The following PFKP variants were observed in gnomAD, a reference collection of about 807,000 sequenced individuals.
PFKP encodes ATP-dependent 6-phosphofructokinase, platelet type.
In PFKP, 101 loss-of-function variants were observed where a neutral mutation model predicts 94.3. The observed-to-expected ratio is 1.07, with a 90% CI of 0.91 to 1.26. The LOEUF (loss-of-function observed/expected upper bound fraction) is 1.26. Among genes scored for constraint, PFKP ranks in the 50% most tolerant of loss-of-function variants. The pLI, the probability that PFKP is intolerant of heterozygous loss-of-function variation, is 0.00. For synonymous variants in PFKP, 573 were observed against 432.6 expected, an observed-to-expected ratio of 1.32 and a Z score of -4.03; for missense variants, 1,145 against 1,103.3, an observed-to-expected ratio of 1.04 and a Z score of -0.53.
chr10:3,111,387 A>C (rs929028619), intron 10 of PFKP, among the ~76,000 whole-genome samples: 1 of 152,178 alleles, frequency 6.6e-6, no homozygotes, highest in African/African-American at 2.4e-5. Flanking sequence ...TGTGAGAGGC[A>C]GTAGGCTTAA....
chr10:3,070,821 C>T lies in PFKP; in HGVS notation c.112+3114C>T, dbSNP rs144975381. On this transcript the variant is annotated intron_variant, in intron 1 of 21. Transcript: ENST00000381125. ...CATCATAGCTCACTGCAGCCTCAAACTCCTGGGCTCAAGTGATCCTCCTGC... is the reference window on the plus strand; with the variant it reads ...CATCATAGCTCACTGCAGCCTCAAATTCCTGGGCTCAAGTGATCCTCCTGC... 4.5e-3 allele frequency among the ~76,000 whole-genome samples: 690 copies of T among 152,282 alleles called. 7 individuals are homozygous for T. Among genetic ancestry groups the T allele is most frequent in the African/African-American group, 0.016 (670 of 41,560 alleles).
At chr10:3,104,596 G>T (rs548356234) in intron 5 of PFKP, 3 of 208,040 alleles carry the variant, frequency 1.4e-5, no homozygotes, top group Non-Finnish European at 2.9e-5. Flanking sequence ...CAGTGCGTGG[G>T]CGTGAACCCC....
At chr10:3,106,998 C>T (rs1406171108) in intron 7 of PFKP, among the ~76,000 whole-genome samples, 1 of 95,474 alleles carries the variant, frequency 1.0e-5, no homozygotes, top group Non-Finnish European at 2.1e-5. Context: ...TCTCCTCGCC[C>T]CTGCCCCTCC....
chr10:3,067,553 C>G lies in PFKP; in HGVS notation c.-43C>G. On this transcript the variant is annotated 5_prime_UTR_variant, in exon 1 of 22. Transcript: ENST00000381125. ...CGCGCGCGGGCAGGGTCCCCATTGC[C>G]TGCTGCGCACCCGGACGTGCGGCTC... 1 of 1,114,662 alleles carries G rather than the reference C, an allele frequency of 9.0e-7. No individual in the cohort carries two copies. The highest frequency in any genetic ancestry group is 1.4e-5 in the South Asian group (1 of 72,466). 69.0% of individuals were successfully genotyped at this position (1,114,662 alleles called of 1,614,324 possible). A position where few individuals can be genotyped will look rare whatever the true frequency, so the allele number is the denominator to read the frequency against.
At chr10:3,125,158 C>T in intron 16 of PFKP, 1 of 1,350,612 alleles carries the variant, frequency 7.4e-7, no homozygotes, top group Non-Finnish European at 9.9e-7. Context: ...CTTTGCATCC[C>T]CCTGTGTGTG....
chr10:3,132,787 C>T (rs1838745060), intron 18 of PFKP, among the ~76,000 whole-genome samples: 1 of 152,108 alleles, frequency 6.6e-6, no homozygotes, highest in Non-Finnish European at 1.5e-5. Context: ...GGGGATAGTA[C>T]CCGCCCCCTG....
At chr10:3,105,355 C>A (rs373109237) in intron 6 of PFKP, 38 bp from the exon 7 acceptor site, 19 of 1,540,822 alleles carry the variant, frequency 1.2e-5, no homozygotes, top group Non-Finnish European at 1.7e-5. Flanking sequence ...TGGGAAGGAT[C>A]CTTCTGGGGT....
chr10:3,121,356 C>G (rs978131021), intron 16 of PFKP, among the ~76,000 whole-genome samples: 1 of 152,226 alleles, frequency 6.6e-6, no homozygotes, highest in South Asian at 2.1e-4. Flanking sequence ...GAGCCTCTTT[C>G]ACAGACTGGA....
chr10:3,104,177 G>A (rs1436023948), intron 5 of PFKP, among the ~76,000 whole-genome samples: 1 of 152,154 alleles, frequency 6.6e-6, no homozygotes, highest in East Asian at 1.9e-4. Flanking sequence ...TTAGAATTTG[G>A]AAGGAAGAAA....
In PFKP at chr10:3,108,584, C is replaced by T. The variant is rs951764988; in HGVS notation, c.871-117C>T. 2.7e-5 allele frequency: 19 copies of T among 705,604 alleles called. No individual in the cohort carries two copies. In the East Asian group the frequency reaches 4.9e-4, roughly 18 times the overall value. 43.7% of individuals were successfully genotyped at this position (705,604 alleles called of 1,614,324 possible). A position where few individuals can be genotyped will look rare whatever the true frequency, so the allele number is the denominator to read the frequency against. The stretch of plus-strand genomic sequence containing the variant: ...AAACAAAATTTAGAAATAACTTTTC[C>T]CATTTAGATCTGAAGAAAGAGCGAA... On this transcript the variant is annotated intron_variant, in intron 8 of 21. Transcript: ENST00000381125.
In PFKP at chr10:3,116,821, G is replaced by A; in HGVS notation, c.1417G>A (p.Gly473Arg). The part of the protein sequence containing the change: ...WTDVGGWTGQ[G>R]GSILGTKRVL... ...AGATGTCGGGGGCTGGACCGGCCAAGGAGGCTCCATTCTTGGGACAAAACG... is the reference window on the plus strand; with the variant it reads ...AGATGTCGGGGGCTGGACCGGCCAAAGAGGCTCCATTCTTGGGACAAAACG... Residue 473 changes from glycine to arginine, a missense_variant, in exon 14 of 22, where the codon GGA becomes AGA. Coordinates refer to ENST00000381125, the MANE Select transcript of PFKP (RefSeq NM_002627.5). 1 of 1,613,440 alleles carries A rather than the reference G, an allele frequency of 6.2e-7. No individual in the cohort carries two copies. Among genetic ancestry groups the A allele is most frequent in the Non-Finnish European group, 8.5e-7 (1 of 1,179,310 alleles).
intron 21 of PFKP, among the ~76,000 whole-genome samples, 168 bp downstream of exon 21, chr10:3,136,006 C>T (rs143753810): frequency 3.9e-5 from 6 of 152,214 alleles, no homozygotes; most frequent in East Asian, 1.9e-4. Flanking sequence ...TGGCTCATGC[C>T]TATAATCCCA....
intron 2 of PFKP, among the ~76,000 whole-genome samples, chr10:3,089,802 C>G (rs878863556): frequency 6.6e-6 from 1 of 151,272 alleles, no homozygotes; most frequent in Admixed American, 6.6e-5. Context: ...ATCACTCATC[C>G]CTGGATTTTA....
intron 21 of PFKP, among the ~76,000 whole-genome samples, chr10:3,136,200 G>C (rs540029086): frequency 5.3e-5 from 8 of 152,328 alleles, no homozygotes; most frequent in Admixed American, 3.3e-4. Context: ...GGGAGGCAGA[G>C]GTTGCAGTGA....
At chr10:3,114,137 T>C (rs189759455) in intron 13 of PFKP, among the ~76,000 whole-genome samples, 51 of 146,760 alleles carry the variant, frequency 3.5e-4, no homozygotes, top group African/African-American at 1.3e-3. Flanking sequence ...AGCCAACAAA[T>C]ACCTACTTTG....
intron 13 of PFKP, among the ~76,000 whole-genome samples, chr10:3,114,195 A>G (rs4517415): frequency 0.89 from 134,561 of 151,150 alleles, 60,517 homozygotes; most frequent in East Asian, 0.99. Context: ...TGTTGCCCAA[A>G]CTGGAGTGCA....
chr10:3,132,480 G>A (rs765475462), intron 18 of PFKP, 39 bp downstream of exon 18: 89 of 1,380,216 alleles, frequency 6.4e-5, no homozygotes, highest in Middle Eastern at 5.5e-4. Flanking sequence ...TACCCTCACC[G>A]CCACACCCTG....
chr10:3,091,099 C>T (rs1188900884), intron 2 of PFKP, among the ~76,000 whole-genome samples: 1 of 152,094 alleles, frequency 6.6e-6, no homozygotes, highest in Admixed American at 6.5e-5. Context: ...AAACCTGGGC[C>T]AAGCCTACGT....
intron 7 of PFKP, 74 bp from the exon 8 acceptor site, chr10:3,107,140 T>G (rs529990053): frequency 2.2e-5 from 20 of 916,664 alleles, no homozygotes; most frequent in Admixed American, 1.8e-4. Context: ...TGAGACAGAC[T>G]TCTGTGGTTT....
Sources: gnomAD v4.1 joint callset for allele counts (sites outside exome capture counted in the v4.1 genomes callset) on GRCh38, gnomAD v4.1.1 for gene constraint, MANE v1.5 for transcripts, NCBI Gene and HGNC (gene_info 2026-07-23, HGNC 2026-07-21) for gene names.